The following SEMA6D variants were observed in gnomAD, a reference collection of about 807,000 sequenced individuals.
SEMA6D encodes semaphorin-6D.
A neutral mutation model predicts 106.6 loss-of-function variants in SEMA6D; 35 were observed. The observed-to-expected ratio is 0.33, with a 90% CI of 0.25 to 0.44. The LOEUF (loss-of-function observed/expected upper bound fraction) is 0.44. Ranked by LOEUF, SEMA6D falls within the 20% of genes least tolerant of loss-of-function variation. The pLI is 1.00. For missense variants in SEMA6D, 1,185 were observed against 1,345.9 expected (o/e 0.88, Z 1.87); for synonymous variants, 499 against 487.7 (o/e 1.02, Z -0.31).
intron 4 of SEMA6D, among the ~76,000 whole-genome samples, chr15:47,617,474 T>C (rs1160192934): frequency 1.3e-5 from 2 of 152,192 alleles, no homozygotes; most frequent in African/African-American, 2.4e-5. Context: ...AAACAAAGTT[T>C]GATTTGCTTT....
At chr15:47,247,966 C>T (rs1490390368) in intron 1 of SEMA6D, among the ~76,000 whole-genome samples, 1 of 152,106 alleles carries the variant, frequency 6.6e-6, no homozygotes, top group Non-Finnish European at 1.5e-5. Flanking sequence ...ACCTCCTAAC[C>T]TCAGGTTCAA....
At chr15:47,706,709 CTT>C (rs2078918750) in intron 4 of SEMA6D, among the ~76,000 whole-genome samples, 2 of 152,044 alleles carry the variant, frequency 1.3e-5, no homozygotes, top group South Asian at 4.1e-4. Context: ...CTCTCTCTCT[CTT>C]TCTCTCTATT....
intron 3 of SEMA6D, among the ~76,000 whole-genome samples, chr15:47,494,741 G>GAT (rs202139404): frequency 0.041 from 1,332 of 32,718 alleles, 81 homozygotes; most frequent in Middle Eastern, 0.13. Flanking sequence ...GTGGGATGGA[G>GAT]ATATATATAT....
intron 3 of SEMA6D, among the ~76,000 whole-genome samples, chr15:47,583,322 C>T (rs2076284697): frequency 6.6e-6 from 1 of 152,200 alleles, no homozygotes. Flanking sequence ...AGAACTGCTG[C>T]TCCAAGGAAT....
chr15:47,227,718 TC>T (rs982269515), intron 1 of SEMA6D, among the ~76,000 whole-genome samples: 4 of 150,402 alleles, frequency 2.7e-5, no homozygotes, highest in African/African-American at 9.8e-5. Context: ...GACAAAAGAA[TC>T]CCCACATCCA....
chr15:47,764,107 A>T, intron 10 of SEMA6D, 40 bp downstream of exon 10: 1 of 1,613,156 alleles, frequency 6.2e-7, no homozygotes, highest in Non-Finnish European at 8.5e-7. Context: ...TATTCTCTGC[A>T]TGCCTGTCAG....
chr15:47,225,669 T>C (rs1005777809), intron 1 of SEMA6D, among the ~76,000 whole-genome samples: 1 of 151,520 alleles, frequency 6.6e-6, no homozygotes, highest in South Asian at 2.1e-4. Context: ...TCTGGGATTA[T>C]AGGCCTCCGC....
rs1052618502 is a variant in SEMA6D, at chr15:47,764,087, A to G, written c.965+20A>G. 1 of 1,613,234 alleles carries G rather than the reference A, an allele frequency of 6.2e-7. No individual in the cohort carries two copies. ...CAATAGGTGAGAGCAGAACCCCGGC[A>G]CTGCAAAGATATTCTCTGCATGCCT... is the stretch of plus-strand genomic sequence containing the variant. On this transcript the variant is annotated intron_variant, in intron 10 of 18. Transcript: ENST00000536845.
chr15:47,643,321 G>A (rs1483566164), intron 4 of SEMA6D, among the ~76,000 whole-genome samples: 4 of 152,194 alleles, frequency 2.6e-5, no homozygotes, highest in Non-Finnish European at 4.4e-5. Context: ...CTGATGAACA[G>A]AAGAAAATAT....
intron 4 of SEMA6D, among the ~76,000 whole-genome samples, chr15:47,709,435 A>C (rs2078974802): frequency 1.3e-5 from 2 of 152,290 alleles, no homozygotes; most frequent in African/African-American, 2.4e-5. Context: ...CTAAATGATA[A>C]AACTGCTTTT....
At chr15:47,302,548 G>T (rs908954263) in intron 1 of SEMA6D, among the ~76,000 whole-genome samples, 32 of 152,158 alleles carry the variant, frequency 2.1e-4, no homozygotes, top group Admixed American at 2.1e-3. Context: ...GGATTTGGAG[G>T]ATATTCTGGA....
intron 1 of SEMA6D, among the ~76,000 whole-genome samples, chr15:47,361,933 C>T (rs1182920511): frequency 6.6e-6 from 1 of 152,218 alleles, no homozygotes; most frequent in Non-Finnish European, 1.5e-5. Context: ...GCAACACTCT[C>T]TTCGAAGAAT....
intron 2 of SEMA6D, among the ~76,000 whole-genome samples, chr15:47,466,217 A>G (rs1270310850): frequency 1.3e-5 from 2 of 152,162 alleles, no homozygotes; most frequent in African/African-American, 2.4e-5. Context: ...GCAATACATT[A>G]TTATTAACTG....
At chr15:47,213,545 CCA>C (rs951807717) in intron 1 of SEMA6D, among the ~76,000 whole-genome samples, 1 of 152,142 alleles carries the variant, frequency 6.6e-6, no homozygotes, top group African/African-American at 2.4e-5. Context: ...TCCCTCTCCT[CCA>C]CTATGACTAG....
At chr15:47,187,379 A>C (rs1893654835) in intron 1 of SEMA6D, among the ~76,000 whole-genome samples, 1 of 152,204 alleles carries the variant, frequency 6.6e-6, no homozygotes, top group African/African-American at 2.4e-5. Flanking sequence ...CTATGGAATT[A>C]TGAAGTGTTA....
At chr15:47,399,163 A>G (rs1309085732) in intron 1 of SEMA6D, among the ~76,000 whole-genome samples, 5 of 152,146 alleles carry the variant, frequency 3.3e-5, no homozygotes, top group Admixed American at 3.3e-4. Flanking sequence ...ATTATTTCCC[A>G]TTATTATCTG....
intron 1 of SEMA6D, among the ~76,000 whole-genome samples, chr15:47,325,354 G>A (rs1172818406): frequency 6.6e-6 from 1 of 152,008 alleles, no homozygotes; most frequent in Non-Finnish European, 1.5e-5. Flanking sequence ...TGTATTTTTA[G>A]TAGAGACGAG....
At chr15:47,285,489 A>G (rs997531619) in intron 1 of SEMA6D, among the ~76,000 whole-genome samples, 10 of 152,004 alleles carry the variant, frequency 6.6e-5, no homozygotes, top group African/African-American at 2.4e-4. Flanking sequence ...GAAAAAAAAA[A>G]GGGAAGGAGA....
chr15:47,518,406 C>T (rs149601261), intron 3 of SEMA6D, among the ~76,000 whole-genome samples: 12 of 152,116 alleles, frequency 7.9e-5, no homozygotes, highest in African/African-American at 2.9e-4. Context: ...AACAGTGATG[C>T]ATCATTTAAG....
Sources: gnomAD v4.1 joint callset for allele counts (sites outside exome capture counted in the v4.1 genomes callset) on GRCh38, gnomAD v4.1.1 for gene constraint, MANE v1.5 for transcripts, NCBI Gene and HGNC (gene_info 2026-07-23, HGNC 2026-07-21) for gene names.